Variants in TNKS observed in about 807,000 individuals in gnomAD.
TNKS encodes poly [ADP-ribose] polymerase tankyrase-1.
In TNKS, 72 loss-of-function variants were observed where a neutral mutation model predicts 135.8. The observed-to-expected ratio is 0.53, with a 90% CI of 0.44 to 0.64. The LOEUF (loss-of-function observed/expected upper bound fraction) is 0.64, where lower values mean the gene tolerates loss of function less well. Among genes scored for constraint, TNKS ranks in the 30% least tolerant of loss-of-function variants. The probability of loss-of-function intolerance (pLI) is 0.00; values close to 1 mark genes in which losing one functional copy is unlikely to be tolerated. For synonymous variants in TNKS, 849 were observed against 649.3 expected, an observed-to-expected ratio of 1.31 and a Z score of -4.68; for missense variants, 1,769 against 1,674.0, an observed-to-expected ratio of 1.06 and a Z score of -0.99.
At chr8:9,650,017 C>G (rs1222217455) in intron 3 of TNKS, among the ~76,000 whole-genome samples, 3 of 151,434 alleles carry the variant, frequency 2.0e-5, no homozygotes, top group African/African-American at 7.3e-5. Context: ...CTCAGCCTCC[C>G]AAGTAGCTGG....
chr8:9,641,282 ATT>A (rs1299721420), intron 3 of TNKS, among the ~76,000 whole-genome samples: 19 of 133,612 alleles, frequency 1.4e-4, no homozygotes, highest in South Asian at 2.4e-4. Context: ...TCAATTCAGA[ATT>A]TTTTTTTTTT....
intron 12 of TNKS, among the ~76,000 whole-genome samples, chr8:9,724,660 C>G (rs947995589): frequency 2.6e-5 from 4 of 152,158 alleles, no homozygotes; most frequent in African/African-American, 9.7e-5. Flanking sequence ...CAAGTCTATC[C>G]TAGGCCTTAT....
chr8:9,694,444 A>G (rs894229886), intron 5 of TNKS, among the ~76,000 whole-genome samples: 1 of 152,162 alleles, frequency 6.6e-6, no homozygotes, highest in African/African-American at 2.4e-5. Flanking sequence ...AAGTGTTTTC[A>G]GGACCAGTCT....
At chr8:9,597,052 G>C (rs1243391292) in intron 2 of TNKS, among the ~76,000 whole-genome samples, 1 of 152,216 alleles carries the variant, frequency 6.6e-6, no homozygotes, top group African/African-American at 2.4e-5. Flanking sequence ...GAAAGCTTGA[G>C]TATTGTTCTG....
intron 1 of TNKS, chr8:9,566,522 T>C (rs997792187): frequency 1.3e-5 from 2 of 151,946 alleles, no homozygotes; most frequent in African/African-American, 4.8e-5. Context: ...CTTTTTGAGT[T>C]AACACTTCTG....
intron 2 of TNKS, among the ~76,000 whole-genome samples, chr8:9,603,417 A>G (rs962673119): frequency 6.6e-6 from 1 of 152,224 alleles, no homozygotes; most frequent in African/African-American, 2.4e-5. Flanking sequence ...GTCACGTTTC[A>G]AGAATGCGAT....
At position 9,752,741 on chromosome 8, in the gene TNKS, G is replaced by C. The variant is rs138350056; in HGVS notation, c.3153+115G>C. ...GGAATGCTTCGGCAGGATTGCTTGA[G>C]CCCAGGAGTTTGAGACCAGCCTGGG... is the stretch of plus-strand genomic sequence containing the variant. On this transcript the variant is annotated intron_variant, in intron 20 of 26. Transcript: ENST00000310430. The C allele has an allele frequency of 1.4e-3, 884 of 651,556 alleles. 9 individuals carry two copies. In the East Asian group the frequency reaches 0.022, roughly 16 times the overall value. 40.4% of individuals were successfully genotyped at this position (651,556 alleles called of 1,614,324 possible). A position where few individuals can be genotyped will look rare whatever the true frequency, so the allele number is the denominator to read the frequency against.
At chr8:9,761,180 C>G (rs904333753) in intron 20 of TNKS, among the ~76,000 whole-genome samples, 4 of 152,196 alleles carry the variant, frequency 2.6e-5, no homozygotes, top group African/African-American at 9.7e-5. Context: ...CATTTTCAAG[C>G]TACTGATTCC....
chr8:9,578,335 A>G (rs919707879), intron 1 of TNKS, among the ~76,000 whole-genome samples: 1 of 152,226 alleles, frequency 6.6e-6, no homozygotes, highest in African/African-American at 2.4e-5. Context: ...AAGAAAACCT[A>G]ACATCCGTAA....
intron 2 of TNKS, among the ~76,000 whole-genome samples, chr8:9,607,161 G>A (rs902987783): frequency 6.6e-6 from 1 of 152,136 alleles, no homozygotes; most frequent in African/African-American, 2.4e-5. Context: ...TTAGCAAATA[G>A]CAAGCTTACT....
intron 3 of TNKS, among the ~76,000 whole-genome samples, chr8:9,662,358 A>G (rs1284267333): frequency 1.3e-5 from 2 of 152,226 alleles, no homozygotes; most frequent in African/African-American, 4.8e-5. Context: ...ATGTCCATCA[A>G]CGATAGACTG....
chr8:9,678,213 A>G (rs1802627405), intron 3 of TNKS, among the ~76,000 whole-genome samples: 1 of 152,212 alleles, frequency 6.6e-6, no homozygotes, highest in Non-Finnish European at 1.5e-5. Flanking sequence ...ACATTGCGTA[A>G]TTTGATTTAC....
chr8:9,760,585 T>A (rs1229477005), intron 20 of TNKS, among the ~76,000 whole-genome samples: 1 of 152,176 alleles, frequency 6.6e-6, no homozygotes, highest in African/African-American at 2.4e-5. Context: ...TCTTGTAGAC[T>A]AGTATATGGA....
chr8:9,740,732 A>G (rs1805899250), intron 17 of TNKS, among the ~76,000 whole-genome samples: 1 of 151,618 alleles, frequency 6.6e-6, no homozygotes, highest in East Asian at 1.9e-4. Flanking sequence ...AAGGTTCTCA[A>G]TTTCTCTGAG....
At chr8:9,706,488 C>T (rs567536569) in intron 7 of TNKS, among the ~76,000 whole-genome samples, 1 of 152,216 alleles carries the variant, frequency 6.6e-6, no homozygotes, top group Admixed American at 6.5e-5. Flanking sequence ...TCAGCCTCCC[C>T]AGTAGCTGGG....
In TNKS at chr8:9,748,088, C is replaced by A; in HGVS notation, c.2708C>A (p.Ala903Glu). The A allele has an allele frequency of 6.2e-7, 1 of 1,613,666 alleles. No homozygotes were observed. Among genetic ancestry groups the A allele is most frequent in the South Asian group, 1.1e-5 (1 of 91,012 alleles). The change falls in exon 18 of 27, where the codon GCG (alanine) becomes GAG (glutamate). Residue 903 changes from alanine (A) to glutamate (E), a missense_variant. This residue lies in a region of TNKS where 722 missense variants were observed against 688.9 expected (regional missense o/e 1.05). Transcript: ENST00000310430. ...TGTGTAAATGCAACAGATAAGTGGG[C>A]GTTTACTCCCCTCCATGAAGCAGCC... is the stretch of plus-strand genomic sequence containing the variant. ...NTCVNATDKW[A>E]FTPLHEAAQK... is the part of the protein sequence containing the mutation.
chr8:9,772,569 T>C, intron 26 of TNKS: 1 of 369,310 alleles, frequency 2.7e-6, no homozygotes. Context: ...AAGTTAACCT[T>C]CTGCCCCCAA....
At chr8:9,605,647 T>A (rs1056316204) in intron 2 of TNKS, among the ~76,000 whole-genome samples, 1 of 152,144 alleles carries the variant, frequency 6.6e-6, no homozygotes, top group Non-Finnish European at 1.5e-5. Flanking sequence ...AATCTCCTCA[T>A]TAACACTTGG....
intron 3 of TNKS, among the ~76,000 whole-genome samples, chr8:9,649,371 C>T (rs1022875448): frequency 2.6e-5 from 4 of 152,078 alleles, no homozygotes; most frequent in South Asian, 4.1e-4. Flanking sequence ...GGAGTTTTCA[C>T]GTTTTTAAAG....
Sources: allele counts gnomAD v4.1 joint callset (sites outside exome capture counted in the v4.1 genomes callset), GRCh38; gene constraint gnomAD v4.1.1; regional missense constraint gnomAD v4.1.1; transcripts MANE v1.5; gene names NCBI Gene and HGNC (gene_info 2026-07-23, HGNC 2026-07-21).